Variants in DRC4 observed in about 807,000 individuals in gnomAD.
DRC4 encodes dynein regulatory complex subunit 4, also known as GAS-11.
the DRC4 span, among the ~76,000 whole-genome samples, chr16:90,033,120 A>C: frequency 1.3e-5 from 2 of 152,218 alleles, no homozygotes; most frequent in African/African-American, 4.8e-5. Flanking sequence ...CCAAGTACAC[A>C]ATTCTGTCTC....
chr16:90,034,224 G>T, the DRC4 span, among the ~76,000 whole-genome samples: 1 of 152,196 alleles, frequency 6.6e-6, no homozygotes, highest in Non-Finnish European at 1.5e-5. Context: ...TGACTTCGCA[G>T]CAAAGCCTGA....
the DRC4 span, among the ~76,000 whole-genome samples, chr16:90,039,150 G>C: frequency 6.6e-6 from 1 of 152,184 alleles, no homozygotes. Flanking sequence ...GAGGACTGCT[G>C]TGTTAGACAA....
the DRC4 span, chr16:90,040,010 A>G: frequency 2.2e-6 from 1 of 444,574 alleles, no homozygotes; most frequent in South Asian, 2.3e-5. Context: ...AGCAGCTTTC[A>G]GGGTGGGGCT....
chr16:90,028,435 G>A, the DRC4 span, among the ~76,000 whole-genome samples: 5 of 151,876 alleles, frequency 3.3e-5, no homozygotes, highest in African/African-American at 7.3e-5. Context: ...TGATCCACTC[G>A]CCTCGGCCTC....
the DRC4 span, among the ~76,000 whole-genome samples, chr16:90,034,985 C>T: frequency 1.4e-5 from 2 of 141,580 alleles, no homozygotes; most frequent in Non-Finnish European, 3.0e-5. Context: ...TTCACCACAA[C>T]CTCTGCCTCC....
At chr16:90,043,973 GTGA>G in the DRC4 span, 40 of 416,046 alleles carry the variant, frequency 9.6e-5, no homozygotes, top group East Asian at 2.9e-3. Flanking sequence ...GGCCTTGCTG[GTGA>G]TGGTTAAAAC....
chr16:90,033,318 A>G, the DRC4 span, among the ~76,000 whole-genome samples: 1 of 152,194 alleles, frequency 6.6e-6, no homozygotes, highest in East Asian at 1.9e-4. Context: ...TTTGTCACAC[A>G]AGCTGGTCTG....
the DRC4 span, among the ~76,000 whole-genome samples, chr16:90,041,778 A>G: frequency 6.6e-6 from 1 of 152,156 alleles, no homozygotes; most frequent in Admixed American, 6.5e-5. Flanking sequence ...CAGCCTGGGC[A>G]ACGGGGCGAG....
At chr16:90,040,431 G>T in the DRC4 span, 1 of 1,612,302 alleles carries the variant, frequency 6.2e-7, no homozygotes. Context: ...TGGAGAAGAA[G>T]GAGGTGCAGT....
At chr16:90,044,186 G>T in the DRC4 span, 1 of 454,692 alleles carries the variant, frequency 2.2e-6, no homozygotes, top group African/African-American at 2.0e-5. Flanking sequence ...GTGGGGTGAG[G>T]CAGTGAGGTT....
At chr16:90,027,505 A>G in the DRC4 span, 6 of 813,744 alleles carry the variant, frequency 7.4e-6, no homozygotes, top group East Asian at 2.5e-5. Flanking sequence ...CAGGGCAATG[A>G]TGTGCTCCAG....
At chr16:90,042,585 C>A in the DRC4 span, 1 of 1,504,544 alleles carries the variant, frequency 6.6e-7, no homozygotes, top group Non-Finnish European at 9.2e-7. Context: ...GGTGCCCAGA[C>A]TGTTCTAAAT....
chr16:90,040,449 G>C, the DRC4 span: 2 of 1,611,102 alleles, frequency 1.2e-6, no homozygotes, highest in Non-Finnish European at 1.7e-6. Context: ...AGTTCAACGA[G>C]GTCCTGGCTG....
chr16:90,044,231 CCT>C, the DRC4 span: 1 of 452,168 alleles, frequency 2.2e-6, no homozygotes, highest in South Asian at 1.6e-5. Flanking sequence ...CAGATGAAAA[CCT>C]CTGTCAACAA....
At chr16:90,029,113 C>T in the DRC4 span, 1 of 1,299,078 alleles carries the variant, frequency 7.7e-7, no homozygotes, top group South Asian at 1.2e-5. Flanking sequence ...TGGAGACAGG[C>T]CTTGTGGGGC....
chr16:90,034,389 C>T, the DRC4 span, among the ~76,000 whole-genome samples: 11 of 152,100 alleles, frequency 7.2e-5, no homozygotes, highest in African/African-American at 2.7e-4. Flanking sequence ...TTTGGGAGGC[C>T]GAGGAGGGTG....
chr16:90,020,025 C>A, the DRC4 span: 1 of 696,804 alleles, frequency 1.4e-6, no homozygotes, highest in Non-Finnish European at 2.6e-6. Flanking sequence ...AAACTGACCC[C>A]CATGTCCCTA....
the DRC4 span, chr16:90,042,841 G>T: frequency 2.0e-6 from 1 of 506,826 alleles, no homozygotes; most frequent in South Asian, 2.3e-5. Context: ...CACCGGGGAA[G>T]GAAACAGACG....
the DRC4 span, chr16:90,043,439 T>C: frequency 9.6e-6 from 12 of 1,247,060 alleles, no homozygotes; most frequent in Non-Finnish European, 1.2e-5. Flanking sequence ...TTTTTTAGAT[T>C]TTATCATCAG....
Sources: gnomAD v4.1 joint callset for allele counts (sites outside exome capture counted in the v4.1 genomes callset) on GRCh38, gnomAD v4.1.1 for gene constraint, MANE v1.5 for transcripts, NCBI Gene and HGNC (gene_info 2026-07-23, HGNC 2026-07-21) for gene names.